RBFOX1: variants seen among roughly 807,000 people sequenced by gnomAD.
The protein encoded by RBFOX1 is RNA binding fox-1 homolog 1, also known as RNA binding protein fox-1 homolog 1.
A neutral mutation model predicts 57.7 loss-of-function variants in RBFOX1; 8 were observed. The observed-to-expected ratio is 0.14, with a 90% CI of 0.08 to 0.25. The LOEUF (loss-of-function observed/expected upper bound fraction) is 0.25. Among genes scored for constraint, RBFOX1 ranks in the 10% least tolerant of loss-of-function variants. The probability of loss-of-function intolerance (pLI) is 1.00; values close to 1 mark genes in which losing one functional copy is unlikely to be tolerated. For missense variants in RBFOX1, 611 were observed against 548.5 expected (o/e 1.11, Z -1.14); for synonymous variants, 326 against 222.4 (o/e 1.47, Z -4.15).
chr16:7,413,803 G>A (rs1006181754), intron 4 of RBFOX1, among the ~76,000 whole-genome samples: 13 of 152,066 alleles, frequency 8.5e-5, no homozygotes, highest in African/African-American at 2.7e-4. Flanking sequence ...TGGATCCCAG[G>A]TACCTCTCAT....
chr16:6,966,020 A>T (rs960664192), intron 3 of RBFOX1, among the ~76,000 whole-genome samples: 3 of 152,154 alleles, frequency 2.0e-5, no homozygotes, highest in African/African-American at 7.2e-5. Flanking sequence ...ATCATAGAAA[A>T]TCGGAGATAC....
intron 2 of RBFOX1, among the ~76,000 whole-genome samples, chr16:6,318,286 G>A (rs576998991): frequency 2.1e-4 from 32 of 152,256 alleles, no homozygotes; most frequent in Middle Eastern, 3.4e-3. Flanking sequence ...AATTCCCTAC[G>A]TGCCACATCT....
intron 5 of RBFOX1, among the ~76,000 whole-genome samples, chr16:7,556,025 A>G (rs1262469933): frequency 6.6e-6 from 1 of 152,150 alleles, no homozygotes; most frequent in African/African-American, 2.4e-5. Flanking sequence ...CTTAATGGAT[A>G]TTAGTTGAAC....
intron 2 of RBFOX1, among the ~76,000 whole-genome samples, chr16:5,561,191 G>C (rs1170424544): frequency 6.6e-6 from 1 of 151,968 alleles, no homozygotes; most frequent in South Asian, 2.1e-4. Context: ...TCCATGGGAG[G>C]GGGTCTTGCA....
intron 4 of RBFOX1, among the ~76,000 whole-genome samples, chr16:7,220,761 C>G (rs932740619): frequency 6.6e-6 from 1 of 152,126 alleles, no homozygotes; most frequent in Non-Finnish European, 1.5e-5. Flanking sequence ...AGGCCCACAT[C>G]TGACCTATCA....
intron 3 of RBFOX1, among the ~76,000 whole-genome samples, chr16:6,690,971 C>T (rs918772507): frequency 1.2e-4 from 18 of 152,170 alleles, no homozygotes; most frequent in African/African-American, 3.4e-4. Context: ...CATCAGGAAG[C>T]GAACTGTTTT....
intron 4 of RBFOX1, among the ~76,000 whole-genome samples, chr16:7,259,286 G>A (rs1335884011): frequency 1.3e-5 from 2 of 152,166 alleles, no homozygotes; most frequent in Non-Finnish European, 2.9e-5. Flanking sequence ...GCAAAGAGAG[G>A]CTTAAACCCT....
At chr16:7,518,786 G>T (rs1398239454) in intron 5 of RBFOX1, among the ~76,000 whole-genome samples, 1 of 152,164 alleles carries the variant, frequency 6.6e-6, no homozygotes, top group African/African-American at 2.4e-5. Flanking sequence ...ACTTTGGGAG[G>T]CCGAGATGGG....
At chr16:6,259,125 G>A (rs1018055795) in intron 1 of RBFOX1, among the ~76,000 whole-genome samples, 4 of 152,118 alleles carry the variant, frequency 2.6e-5, no homozygotes, top group Non-Finnish European at 5.9e-5. Context: ...TCAAGTGTGC[G>A]TGTTTATGAA....
At chr16:7,257,385 A>G (rs951421748) in intron 4 of RBFOX1, among the ~76,000 whole-genome samples, 1 of 152,042 alleles carries the variant, frequency 6.6e-6, no homozygotes, top group Non-Finnish European at 1.5e-5. Context: ...CTGCCCCTCT[A>G]TCTTCCCTCT....
intron 1 of RBFOX1, among the ~76,000 whole-genome samples, chr16:5,244,230 A>G (rs2062239200): frequency 6.6e-6 from 1 of 152,218 alleles, no homozygotes; most frequent in Non-Finnish European, 1.5e-5. Flanking sequence ...AAAGCACAAA[A>G]TACTTGGGCA....
At chr16:7,007,477 C>G (rs796556464) in intron 3 of RBFOX1, among the ~76,000 whole-genome samples, 2 of 152,132 alleles carry the variant, frequency 1.3e-5, no homozygotes, top group Admixed American at 6.6e-5. Context: ...TCTAGAAAAT[C>G]CTATTTGTCA....
intron 2 of RBFOX1, among the ~76,000 whole-genome samples, chr16:6,334,003 G>A (rs1284703766): frequency 6.6e-6 from 1 of 152,124 alleles, no homozygotes; most frequent in Non-Finnish European, 1.5e-5. Context: ...GGGTAGGGGG[G>A]AGCAGGAAAC....
intron 4 of RBFOX1, among the ~76,000 whole-genome samples, chr16:7,064,656 G>C (rs905181233): frequency 1.3e-5 from 2 of 152,208 alleles, no homozygotes; most frequent in Admixed American, 1.3e-4. Context: ...TCTGTTGTTT[G>C]ATTTCCCTGG....
chr16:6,988,753 T>G (rs147960444), intron 3 of RBFOX1, among the ~76,000 whole-genome samples: 3 of 73,512 alleles, frequency 4.1e-5, no homozygotes, highest in Admixed American at 1.4e-4. Context: ...GTTTGTTTGT[T>G]TTTTGTTTTT....
intron 4 of RBFOX1, among the ~76,000 whole-genome samples, chr16:5,932,662 G>C (rs537847540): frequency 1.3e-5 from 2 of 152,326 alleles, no homozygotes; most frequent in South Asian, 2.1e-4. Flanking sequence ...TATAAAATTA[G>C]GTCAGTTTCA....
At chr16:5,869,433 C>T (rs1388566483) in intron 4 of RBFOX1, among the ~76,000 whole-genome samples, 2 of 152,162 alleles carry the variant, frequency 1.3e-5, no homozygotes, top group Non-Finnish European at 2.9e-5. Context: ...GATGGGGACT[C>T]TCCCAGTCAC....
At chr16:7,258,279 CTTTAA>C (rs1269098095) in intron 4 of RBFOX1, among the ~76,000 whole-genome samples, 1 of 152,120 alleles carries the variant, frequency 6.6e-6, no homozygotes, top group Non-Finnish European at 1.5e-5. Context: ...ATTCTAGTCA[CTTTAA>C]TTTATTCAGC....
At chr16:7,342,367 T>G (rs140250049) in intron 4 of RBFOX1, among the ~76,000 whole-genome samples, 1 of 152,270 alleles carries the variant, frequency 6.6e-6, no homozygotes, top group Non-Finnish European at 1.5e-5. Flanking sequence ...CTGGCTCCTG[T>G]GTGATGCGGG....
Sources: allele counts gnomAD v4.1 joint callset (sites outside exome capture counted in the v4.1 genomes callset), GRCh38; gene constraint gnomAD v4.1.1; transcripts MANE v1.5; gene names NCBI Gene and HGNC (gene_info 2026-07-23, HGNC 2026-07-21).